Variants in RBMS3 observed in about 807,000 individuals in gnomAD.
RBMS3 encodes the protein RNA-binding motif, single-stranded-interacting protein 3.
RBMS3 carries 27 observed loss-of-function variants against 66.8 expected under a neutral mutation model. The ratio of observed to expected loss-of-function variants is 0.40; its 90% CI spans 0.30 to 0.56. The LOEUF is 0.56. RBMS3 is among the 20% of genes least tolerant of loss of function. The probability of loss-of-function intolerance (pLI) is 0.40; values close to 1 mark genes in which losing one functional copy is unlikely to be tolerated. For missense variants in RBMS3, 513 were observed against 549.5 expected (o/e 0.93, Z 0.66); for synonymous variants, 188 against 183.0 (o/e 1.03, Z -0.22).
intron 4 of RBMS3, among the ~76,000 whole-genome samples, chr3:29,662,206 A>G (rs1266748615): frequency 1.3e-5 from 2 of 152,220 alleles, no homozygotes; most frequent in Admixed American, 6.5e-5. Context: ...ATGTATAAAT[A>G]TACATATGAA....
chr3:29,936,041 T>C, intron 10 of RBMS3, 45 bp from the exon 11 acceptor site: 2 of 1,482,246 alleles, frequency 1.3e-6, no homozygotes, highest in Non-Finnish European at 1.9e-6. Context: ...GAAGTCTCCT[T>C]CCTTGTAGGA....
At chr3:29,565,427 C>T (rs2046706864) in intron 3 of RBMS3, among the ~76,000 whole-genome samples, 1 of 152,166 alleles carries the variant, frequency 6.6e-6, no homozygotes, top group African/African-American at 2.4e-5. Flanking sequence ...GGAATTCTGG[C>T]ATTCTCTAAA....
intron 1 of RBMS3, among the ~76,000 whole-genome samples, chr3:29,410,982 A>AAT (rs199870018): frequency 6.6e-6 from 1 of 151,394 alleles, no homozygotes; most frequent in Non-Finnish European, 1.5e-5. Flanking sequence ...AAAAAAAAAA[A>AAT]GCAACACAAC....
chr3:29,343,029 T>A (rs1559502424), intron 1 of RBMS3, among the ~76,000 whole-genome samples: 3 of 152,166 alleles, frequency 2.0e-5, no homozygotes, highest in Non-Finnish European at 4.4e-5. Flanking sequence ...GTTTCTTATA[T>A]AGTTGCTATT....
At chr3:29,883,186 A>C (rs1482793299) in intron 7 of RBMS3, among the ~76,000 whole-genome samples, 1 of 152,112 alleles carries the variant, frequency 6.6e-6, no homozygotes, top group Non-Finnish European at 1.5e-5. Flanking sequence ...CCATATGGCC[A>C]CAGAGAAACT....
intron 6 of RBMS3, among the ~76,000 whole-genome samples, chr3:29,866,060 T>C (rs980106756): frequency 1.6e-5 from 2 of 128,154 alleles, no homozygotes; most frequent in African/African-American, 6.8e-5. Flanking sequence ...CTTTAGTCTA[T>C]TATTAACACC....
intron 8 of RBMS3, 128 bp downstream of exon 8, chr3:29,884,336 G>A: frequency 8.0e-6 from 6 of 749,712 alleles, no homozygotes; most frequent in Non-Finnish European, 1.2e-5. Context: ...TTTAAACCAA[G>A]CATTTTTCAT....
chr3:29,591,267 TG>T (rs1447308431), intron 4 of RBMS3, among the ~76,000 whole-genome samples: 2 of 152,198 alleles, frequency 1.3e-5, no homozygotes, highest in Admixed American at 1.3e-4. Context: ...TGATTGCATC[TG>T]GTGACTCGGT....
chr3:29,816,985 G>A (rs1273504593), intron 6 of RBMS3, among the ~76,000 whole-genome samples: 2 of 152,054 alleles, frequency 1.3e-5, no homozygotes, highest in African/African-American at 2.4e-5. Context: ...CAGCTACATG[G>A]GAGGCTGAGG....
At chr3:29,472,484 G>T (rs1010145750) in intron 2 of RBMS3, among the ~76,000 whole-genome samples, 1 of 152,116 alleles carries the variant, frequency 6.6e-6, no homozygotes, top group East Asian at 1.9e-4. Context: ...GAATTGGTGG[G>T]TTCTTGGTCT....
intron 1 of RBMS3, among the ~76,000 whole-genome samples, chr3:29,355,177 T>C (rs2037143794): frequency 6.6e-6 from 1 of 152,142 alleles, no homozygotes; most frequent in South Asian, 2.1e-4. Flanking sequence ...AGGGGCCATG[T>C]CAATCTTGCC....
intron 3 of RBMS3, among the ~76,000 whole-genome samples, chr3:29,527,916 TA>T (rs1202920237): frequency 8.0e-5 from 12 of 149,402 alleles, no homozygotes; most frequent in Admixed American, 1.3e-4. Context: ...TAAAGTATAA[TA>T]AAAAAATAAA....
At chr3:29,979,657 A>G (rs189778439) in intron 12 of RBMS3, among the ~76,000 whole-genome samples, 258 of 151,608 alleles carry the variant, frequency 1.7e-3, no homozygotes, top group African/African-American at 5.2e-3. Flanking sequence ...TCATTGTTCA[A>G]CTCCCACTTA....
intron 8 of RBMS3, among the ~76,000 whole-genome samples, chr3:29,884,757 C>T (rs1439017597): frequency 6.6e-6 from 1 of 151,872 alleles, no homozygotes; most frequent in Admixed American, 6.6e-5. Flanking sequence ...AAGTGTGAAA[C>T]TACATGGTGT....
At chr3:29,960,253 A>C (rs538219828) in intron 12 of RBMS3, among the ~76,000 whole-genome samples, 1 of 152,322 alleles carries the variant, frequency 6.6e-6, no homozygotes, top group East Asian at 1.9e-4. Context: ...TTCAAAATCC[A>C]GTGGGGCAGT....
intron 6 of RBMS3, among the ~76,000 whole-genome samples, chr3:29,764,114 C>CT (rs1048148648): frequency 5.2e-5 from 6 of 114,702 alleles, no homozygotes; most frequent in Non-Finnish European, 1.1e-4. Flanking sequence ...TAATGACTTG[C>CT]TTTTTTTAAG....
At chr3:29,706,685 G>A (rs565314986) in intron 4 of RBMS3, among the ~76,000 whole-genome samples, 1 of 152,286 alleles carries the variant, frequency 6.6e-6, no homozygotes, top group African/African-American at 2.4e-5. Flanking sequence ...AGCCGTGAAT[G>A]AAAAAGATGT....
intron 4 of RBMS3, among the ~76,000 whole-genome samples, chr3:29,596,949 A>C (rs948325480): frequency 6.6e-6 from 1 of 152,196 alleles, no homozygotes; most frequent in African/African-American, 2.4e-5. Context: ...TTAATTCACT[A>C]TCCTAATGAA....
chr3:29,852,800 C>T (rs1440746919), intron 6 of RBMS3, among the ~76,000 whole-genome samples: 1 of 152,190 alleles, frequency 6.6e-6, no homozygotes, highest in Non-Finnish European at 1.5e-5. Context: ...CCAGCAATCC[C>T]ATTCCTAGGT....
Sources: gnomAD v4.1 joint callset for allele counts (sites outside exome capture counted in the v4.1 genomes callset) on GRCh38, gnomAD v4.1.1 for gene constraint, MANE v1.5 for transcripts, NCBI Gene and HGNC (gene_info 2026-07-23, HGNC 2026-07-21) for gene names.